Variants in CIB4 observed in about 807,000 individuals in gnomAD.
CIB4 encodes calcium and integrin binding family member 4.
CIB4 carries 25 observed loss-of-function variants against 25.8 expected under a neutral mutation model. The observed-to-expected ratio is 0.97, with a 90% CI of 0.71 to 1.35. The LOEUF (loss-of-function observed/expected upper bound fraction) is 1.35. Among genes scored for constraint, CIB4 ranks in the 40% most tolerant of loss-of-function variants. CIB4 has a pLI of 0.00. For synonymous variants in CIB4, 75 were observed against 81.4 expected (o/e 0.92, Z 0.42); for missense variants, 235 against 228.2 (o/e 1.03, Z -0.19).
At chr2:26,602,051 T>G (rs1039821319) in intron 3 of CIB4, among the ~76,000 whole-genome samples, 1 of 152,208 alleles carries the variant, frequency 6.6e-6, no homozygotes, top group South Asian at 2.1e-4. Context: ...GTGGTGCAGA[T>G]AGAAGCCATG....
chr2:26,582,799 GTC>G (rs1239153305), intron 6 of CIB4, 24 bp downstream of exon 6: 1 of 1,491,960 alleles, frequency 6.7e-7, no homozygotes, highest in African/African-American at 1.4e-5. Context: ...CTCCTGGACA[GTC>G]TCACCCCCTC....
chr2:26,583,638 G>A (rs1402703581), intron 5 of CIB4, 151 bp downstream of exon 5: 6 of 630,684 alleles, frequency 9.5e-6, no homozygotes, highest in East Asian at 2.7e-5. Context: ...CAGCCCCCAG[G>A]GAATGTGTGC....
chr2:26,631,378 G>A (rs1669417509), intron 2 of CIB4, among the ~76,000 whole-genome samples: 1 of 152,228 alleles, frequency 6.6e-6, no homozygotes, highest in South Asian at 2.1e-4. Context: ...GGAGGCTGAA[G>A]TGGGAGGATC....
intron 3 of CIB4, among the ~76,000 whole-genome samples, chr2:26,604,377 T>C (rs1668850911): frequency 6.6e-6 from 1 of 151,906 alleles, no homozygotes; most frequent in Admixed American, 6.6e-5. Flanking sequence ...AAGACCCTGT[T>C]TAAAAAATAT....
At position 26,583,791 on chromosome 2, in the gene CIB4, G is replaced by C; in HGVS notation, c.436C>G (p.His146Asp). Reference sequence around the variant, plus strand: ...AACTCCCAGCCCCCAGCACACACGTGGTTCGTGAGGTCCATCAGGAGGTCC... The same window carrying C: ...AACTCCCAGCCCCCAGCACACACGTCGTTCGTGAGGTCCATCAGGAGGTCC... ...SEDLLMDLTN[H>D]VLSESDLDND... The change falls in exon 5 of 7, where the codon CAC (histidine) becomes GAC (aspartate). Residue 146 changes from histidine (H) to aspartate (D), a missense_variant and splice_region_variant. Coordinates refer to ENST00000288861, the MANE Select transcript of CIB4 (RefSeq NM_001029881.3). 3 of 1,599,142 alleles carry C rather than the reference G, an allele frequency of 1.9e-6. No homozygotes were observed. The highest frequency in any genetic ancestry group is 2.6e-6 in the Non-Finnish European group (3 of 1,167,592).
intron 3 of CIB4, among the ~76,000 whole-genome samples, chr2:26,596,509 C>T (rs189440048): frequency 6.6e-6 from 1 of 152,138 alleles, no homozygotes; most frequent in Admixed American, 6.5e-5. Context: ...TTTGGGTGGC[C>T]GAGGCAGGTG....
At chr2:26,639,207 TA>T (rs1297549232) in intron 2 of CIB4, among the ~76,000 whole-genome samples, 8 of 151,474 alleles carry the variant, frequency 5.3e-5, no homozygotes, top group African/African-American at 1.7e-4. Context: ...TTTTTTTTTT[TA>T]AATTATATTT....
At chr2:26,581,528 T>C in intron 6 of CIB4, 135 bp from the exon 7 acceptor site, 1 of 842,188 alleles carries the variant, frequency 1.2e-6, no homozygotes, top group Non-Finnish European at 2.0e-6. Flanking sequence ...ACGGCCACTT[T>C]GCAGCCATCC....
intron 5 of CIB4, among the ~76,000 whole-genome samples, 158 bp downstream of exon 5, chr2:26,583,631 C>A (rs1048886518): frequency 1.3e-5 from 2 of 152,144 alleles, no homozygotes; most frequent in African/African-American, 2.4e-5. Flanking sequence ...CCCTTGGCAG[C>A]CCCCAGGGAA....
intron 2 of CIB4, among the ~76,000 whole-genome samples, chr2:26,631,903 C>T (rs759222201): frequency 2.0e-5 from 3 of 152,246 alleles, no homozygotes; most frequent in Non-Finnish European, 4.4e-5. Context: ...GCAGCTCCAG[C>T]TCTCAGCTAT....
chr2:26,611,963 A>T (rs948488810), intron 3 of CIB4, among the ~76,000 whole-genome samples: 11 of 152,230 alleles, frequency 7.2e-5, no homozygotes, highest in Non-Finnish European at 5.9e-5. Flanking sequence ...AATTTATGTT[A>T]GGGTCGTTGG....
chr2:26,632,468 AG>A (rs1187214121), intron 2 of CIB4, among the ~76,000 whole-genome samples: 2 of 152,150 alleles, frequency 1.3e-5, no homozygotes, highest in East Asian at 3.9e-4. Flanking sequence ...ACAAGGGGCG[AG>A]GGGTAGGCCG....
chr2:26,606,492 C>G (rs75705911), intron 3 of CIB4, among the ~76,000 whole-genome samples: 9,972 of 152,112 alleles, frequency 0.066, 622 homozygotes, highest in Admixed American at 0.21. Flanking sequence ...AGGACTCCCC[C>G]CTCCTCCCGC....
rs1473913344 is a variant in CIB4 at position 26,582,835 on chromosome 2, C to A, written c.517G>T (p.Asp173Tyr). 6.2e-7 allele frequency: 1 copy of A among 1,611,440 alleles called. No homozygotes were observed. Among genetic ancestry groups the A allele is most frequent in the Non-Finnish European group, 8.5e-7 (1 of 1,177,642 alleles). The change falls in exon 6 of 7, where the codon GAT becomes TAT. Residue 173 changes from aspartate (D) to tyrosine (Y), a missense_variant. Asp to Tyr is a radical substitution (Grantham distance 160). Transcript: ENST00000288861. ...EFEHAMAKSP[D>Y]FMNSFRIHFW... Reference sequence around the variant, plus strand: ...TCCAGAATGCCTTACTTCATGAAATCTGGAGACTTGGCCATTGCATGTTCA... The same window carrying A: ...TCCAGAATGCCTTACTTCATGAAATATGGAGACTTGGCCATTGCATGTTCA...
At chr2:26,583,025 A>T in intron 5 of CIB4, 112 bp from the exon 6 acceptor site, 1 of 675,806 alleles carries the variant, frequency 1.5e-6, no homozygotes, top group Non-Finnish European at 2.7e-6. Context: ...CATGCTTAAC[A>T]CTTGTCTCCT....
intron 3 of CIB4, among the ~76,000 whole-genome samples, chr2:26,618,189 C>T (rs972842891): frequency 4.6e-5 from 7 of 152,212 alleles, no homozygotes; most frequent in East Asian, 3.9e-4. Context: ...CAGATTCTAA[C>T]ACCCTCCACA....
intron 2 of CIB4, among the ~76,000 whole-genome samples, chr2:26,635,131 C>A (rs1275383937): frequency 6.6e-6 from 1 of 152,210 alleles, no homozygotes; most frequent in East Asian, 1.9e-4. Context: ...AATGCTGCCC[C>A]GATGCTAGGG....
At chr2:26,585,687 A>T (rs146395659) in intron 4 of CIB4, among the ~76,000 whole-genome samples, 2 of 152,146 alleles carry the variant, frequency 1.3e-5, no homozygotes, top group African/African-American at 4.8e-5. Flanking sequence ...TTACCTCCTT[A>T]ATCTCATTTC....
chr2:26,613,940 A>G (rs1669044996), intron 3 of CIB4, among the ~76,000 whole-genome samples: 2 of 152,256 alleles, frequency 1.3e-5, no homozygotes, highest in South Asian at 2.1e-4. Flanking sequence ...ACCGGCAGGC[A>G]GGTGGCTGAA....
Sources: gnomAD v4.1 joint callset for allele counts (sites outside exome capture counted in the v4.1 genomes callset) on GRCh38, gnomAD v4.1.1 for gene constraint, MANE v1.5 for transcripts, NCBI Gene and HGNC (gene_info 2026-07-23, HGNC 2026-07-21) for gene names.